The following SLC35D4 variants were observed in gnomAD, a reference collection of about 807,000 sequenced individuals.
The protein encoded by SLC35D4 is UDP-N-acetylglucosamine transporter SLC35D4.
chr18:23,318,442 T>C, the SLC35D4 span, among the ~76,000 whole-genome samples: 1 of 152,222 alleles, frequency 6.6e-6, no homozygotes, highest in Non-Finnish European at 1.5e-5. Context: ...TTATCTAATT[T>C]TTCTTTTGTT....
At chr18:23,317,746 C>CT in the SLC35D4 span, among the ~76,000 whole-genome samples, 1,524 of 145,784 alleles carry the variant, frequency 0.01, 14 homozygotes, top group African/African-American at 0.024. Flanking sequence ...TGTTTCATTT[C>CT]TTTTTTTTTT....
chr18:23,403,545 A>T, the SLC35D4 span, among the ~76,000 whole-genome samples: 1 of 152,226 alleles, frequency 6.6e-6, no homozygotes, highest in African/African-American at 2.4e-5. Context: ...GCTTGAGAAG[A>T]TGGAGGAATA....
chr18:23,372,333 C>A, the SLC35D4 span, among the ~76,000 whole-genome samples: 5 of 152,156 alleles, frequency 3.3e-5, no homozygotes, highest in Admixed American at 3.3e-4. Flanking sequence ...AAACACATAG[C>A]AGGTGCTCAA....
chr18:23,263,748 G>A, the SLC35D4 span, among the ~76,000 whole-genome samples: 948 of 152,310 alleles, frequency 6.2e-3, 20 homozygotes, highest in East Asian at 0.043. Context: ...GCATACCTTG[G>A]CCAGGCGGTC....
chr18:23,355,359 C>A, the SLC35D4 span, among the ~76,000 whole-genome samples: 1 of 152,102 alleles, frequency 6.6e-6, no homozygotes, highest in Non-Finnish European at 1.5e-5. Context: ...TGGTTGACCT[C>A]CCCTCTACAC....
At chr18:23,405,590 A>G in the SLC35D4 span, among the ~76,000 whole-genome samples, 1 of 152,222 alleles carries the variant, frequency 6.6e-6, no homozygotes, top group Non-Finnish European at 1.5e-5. Flanking sequence ...TTAAGCACCC[A>G]TTATATTCCA....
chr18:23,297,461 C>A, the SLC35D4 span: 1 of 151,708 alleles, frequency 6.6e-6, no homozygotes, highest in Admixed American at 6.6e-5. Context: ...AAGGCTGTAG[C>A]GAGCTGTGAT....
At chr18:23,371,384 C>T in the SLC35D4 span, 341 of 1,491,570 alleles carry the variant, frequency 2.3e-4, no homozygotes, top group African/African-American at 4.4e-3. Flanking sequence ...TATGAGCCAC[C>T]GTGCCCAGCC....
chr18:23,248,538 T>TTTTTTTTTTAA, the SLC35D4 span, among the ~76,000 whole-genome samples: 2 of 93,612 alleles, frequency 2.1e-5, no homozygotes, highest in Non-Finnish European at 4.7e-5. Flanking sequence ...TTTTTTTTTT[T>TTTTTTTTTTAA]AAAAAAAGGC....
the SLC35D4 span, among the ~76,000 whole-genome samples, chr18:23,287,604 G>A: frequency 1.3e-5 from 2 of 151,402 alleles, no homozygotes; most frequent in African/African-American, 2.4e-5. Context: ...GGATACTTTC[G>A]CCTTTGGATA....
the SLC35D4 span, among the ~76,000 whole-genome samples, chr18:23,355,362 CT>C: frequency 6.6e-6 from 1 of 152,076 alleles, no homozygotes; most frequent in Non-Finnish European, 1.5e-5. Flanking sequence ...TTGACCTCCC[CT>C]CTACACCCTG....
the SLC35D4 span, among the ~76,000 whole-genome samples, chr18:23,371,074 C>T: frequency 2.0e-5 from 3 of 150,268 alleles, no homozygotes; most frequent in Non-Finnish European, 4.5e-5. Flanking sequence ...TCCCTCTCTC[C>T]TTCCCTCTCT....
the SLC35D4 span, chr18:23,297,977 G>A: frequency 6.2e-7 from 1 of 1,611,490 alleles, no homozygotes; most frequent in African/African-American, 1.3e-5. Flanking sequence ...TCCCGCAGCA[G>A]CCTGTGAGTC....
the SLC35D4 span, among the ~76,000 whole-genome samples, chr18:23,248,178 C>G: frequency 6.6e-6 from 1 of 152,204 alleles, no homozygotes; most frequent in Non-Finnish European, 1.5e-5. Context: ...AAAAATGGGT[C>G]AGGGAGTGTG....
chr18:23,345,023 C>T, the SLC35D4 span, among the ~76,000 whole-genome samples: 1 of 152,070 alleles, frequency 6.6e-6, no homozygotes. Flanking sequence ...AAACCCAAGG[C>T]CATTAAGGCT....
chr18:23,430,554 T>A, the SLC35D4 span: 1 of 1,248,750 alleles, frequency 8.0e-7, no homozygotes, highest in East Asian at 2.4e-5. Flanking sequence ...TCTATGCAGT[T>A]ATTAAAACTA....
the SLC35D4 span, among the ~76,000 whole-genome samples, chr18:23,262,189 T>C: frequency 6.6e-6 from 1 of 152,372 alleles, no homozygotes; most frequent in African/African-American, 2.4e-5. Context: ...TTTTGACATG[T>C]GTTTACCTAG....
the SLC35D4 span, among the ~76,000 whole-genome samples, chr18:23,307,930 G>A: frequency 1.3e-5 from 2 of 152,262 alleles, no homozygotes; most frequent in Non-Finnish European, 1.5e-5. Flanking sequence ...CTTCTGAAGA[G>A]CCTGCCTGTC....
the SLC35D4 span, among the ~76,000 whole-genome samples, chr18:23,388,139 T>C: frequency 6.6e-6 from 1 of 152,250 alleles, no homozygotes; most frequent in Non-Finnish European, 1.5e-5. Flanking sequence ...CAGATAATTC[T>C]AGACCCAACT....
Sources: gnomAD v4.1 joint callset for allele counts (sites outside exome capture counted in the v4.1 genomes callset) on GRCh38, gnomAD v4.1.1 for gene constraint, MANE v1.5 for transcripts, NCBI Gene and HGNC (gene_info 2026-07-23, HGNC 2026-07-21) for gene names.